Variants in RNF212 observed in about 807,000 individuals in gnomAD.
RNF212 encodes probable E3 SUMO-protein ligase RNF212.
A neutral mutation model predicts 34.7 loss-of-function variants in RNF212; 33 were observed. The ratio of observed to expected loss-of-function variants is 0.95; its 90% CI spans 0.72 to 1.27. RNF212 has a LOEUF of 1.27. RNF212 is among the 50% of genes most tolerant of loss of function. The pLI is 0.00. For synonymous variants in RNF212, 140 were observed against 136.1 expected, an observed-to-expected ratio of 1.03 and a Z score of -0.20; for missense variants, 377 against 362.2, an observed-to-expected ratio of 1.04 and a Z score of -0.33.
intron 1 of RNF212, among the ~76,000 whole-genome samples, chr4:1,112,274 T>C (rs1363524586): frequency 2.6e-5 from 4 of 152,100 alleles, no homozygotes; most frequent in Non-Finnish European, 2.9e-5. Context: ...GCGGCTTTGC[T>C]GTAGGGCTGG....
intron 3 of RNF212, chr4:1,093,605 G>T (rs616196): frequency 0.11 from 165,328 of 1,535,188 alleles, 13,234 homozygotes; most frequent in African/African-American, 0.43. Flanking sequence ...GGCTGGAGGG[G>T]CTGGCCGGGT....
At chr4:1,076,010 T>G (rs1719235768) in intron 8 of RNF212, among the ~76,000 whole-genome samples, 1 of 152,232 alleles carries the variant, frequency 6.6e-6, no homozygotes, top group Admixed American at 6.5e-5. Context: ...TTTGTATTTG[T>G]GAGTCATGAT....
At chr4:1,080,673 G>A (rs2153042697) in intron 7 of RNF212, among the ~76,000 whole-genome samples, 1 of 150,792 alleles carries the variant, frequency 6.6e-6, no homozygotes, top group African/African-American at 2.5e-5. Flanking sequence ...AAAGGTGCTG[G>A]CCCACGAGAC....
rs145079835 is a variant in RNF212 at position 1,085,835 on chromosome 4, G to A, written c.362+61C>T. The stretch of plus-strand genomic sequence containing the variant: ...CATTCTTGATCTTGGAGAGCCAGAC[G>A]ACCAATGCACATGGCAGTGGGTGCC... On this transcript the variant is annotated intron_variant, in intron 5 of 9. Transcript: ENST00000433731. The A allele has an allele frequency of 3.4e-5, 37 of 1,096,924 alleles. No individual in the cohort carries two copies. The East Asian group carries it at 4.7e-4, about 14-fold the overall frequency. The allele number at this position is 1,096,924 out of a possible 1,614,324, so 67.9% of individuals were successfully genotyped here.
At chr4:1,090,697 T>C in intron 4 of RNF212, 85 bp downstream of exon 4, 1 of 796,420 alleles carries the variant, frequency 1.3e-6, no homozygotes, top group African/African-American at 1.7e-5. Context: ...CCATCCCCTT[T>C]GAGAGCAAGG....
chr4:1,093,574 C>G (rs59057706), intron 3 of RNF212: 2 of 1,072,066 alleles, frequency 1.9e-6, no homozygotes, highest in Non-Finnish European at 2.6e-6. Flanking sequence ...CTGAGAGGCA[C>G]GAGAGGCAGA....
intron 2 of RNF212, among the ~76,000 whole-genome samples, chr4:1,098,268 G>GA (rs1205427960): frequency 3.3e-5 from 5 of 151,962 alleles, no homozygotes; most frequent in South Asian, 2.1e-4. Flanking sequence ...TAAAATTTAG[G>GA]AAAAAAATAC....
intron 3 of RNF212, among the ~76,000 whole-genome samples, chr4:1,091,540 G>A (rs539316620): frequency 6.6e-5 from 10 of 152,162 alleles, no homozygotes; most frequent in Non-Finnish European, 1.3e-4. Flanking sequence ...GAAAGTCGGC[G>A]TCCTCTAGCT....
rs1007981029 is a variant in RNF212, at chr4:1,113,541, G to A, written c.-77C>T. On this transcript the variant is annotated 5_prime_UTR_variant, in exon 1 of 10. Transcript: ENST00000433731. Reference sequence around the variant, plus strand: ...AGGTTGGGACCAGCCTCCCCGCGCAGGGCCCGAAGGCGGGCAGCTCTGCGC... The same window carrying A: ...AGGTTGGGACCAGCCTCCCCGCGCAAGGCCCGAAGGCGGGCAGCTCTGCGC... 1.3e-5 allele frequency: 16 copies of A among 1,236,264 alleles called. No individual in the cohort carries two copies. The highest frequency in any genetic ancestry group is 1.6e-5 in the Non-Finnish European group (14 of 879,970). The allele number at this position is 1,236,264 out of a possible 1,614,324, so 76.6% of individuals were successfully genotyped here.
intron 4 of RNF212, among the ~76,000 whole-genome samples, chr4:1,057,711 TG>T (rs1412433506): frequency 6.6e-6 from 1 of 152,214 alleles, no homozygotes; most frequent in East Asian, 1.9e-4. Context: ...AGTCACCACG[TG>T]GTACTTTTGA....
intron 2 of RNF212, chr4:1,099,817 C>T: frequency 2.2e-6 from 1 of 456,254 alleles, no homozygotes; most frequent in Non-Finnish European, 4.4e-6. Context: ...TCCACAAGGT[C>T]CGACGGCGCA....
At chr4:1,063,442 G>T (rs1245591702) in intron 3 of RNF212, among the ~76,000 whole-genome samples, 1 of 152,190 alleles carries the variant, frequency 6.6e-6, no homozygotes, top group African/African-American at 2.4e-5. Context: ...TGGGTACGGT[G>T]GCTCATGCCT....
chr4:1,086,424 C>G (rs1721170269), intron 4 of RNF212, among the ~76,000 whole-genome samples: 1 of 151,440 alleles, frequency 6.6e-6, no homozygotes, highest in Admixed American at 6.6e-5. Context: ...TTATGCCCAT[C>G]CTCCAGGTTT....
At chr4:1,096,712 G>C (rs1003431005) in intron 3 of RNF212, 53 bp downstream of exon 3, 6 of 1,189,030 alleles carry the variant, frequency 5.0e-6, no homozygotes, top group Non-Finnish European at 7.4e-6. Context: ...CCATGGTCTC[G>C]GGATAGTGCA....
At chr4:1,084,619 A>G (rs1224212295) in intron 5 of RNF212, among the ~76,000 whole-genome samples, 2 of 150,252 alleles carry the variant, frequency 1.3e-5, no homozygotes, top group Admixed American at 6.7e-5. Context: ...GGTCCCAGCT[A>G]CTTGGCAGGC....
intron 7 of RNF212, among the ~76,000 whole-genome samples, chr4:1,079,972 C>T (rs1466214): frequency 0.63 from 95,117 of 152,004 alleles, 30,217 homozygotes; most frequent in Middle Eastern, 0.7. Flanking sequence ...CACCTCTGCA[C>T]ACTCAGCTTC....
chr4:1,088,285 T>C (rs1320337442), intron 4 of RNF212, among the ~76,000 whole-genome samples: 1 of 152,218 alleles, frequency 6.6e-6, no homozygotes, highest in African/African-American at 2.4e-5. Context: ...TGCTGTGCTT[T>C]AGCAAAGAGA....
At chr4:1,093,201 G>T in intron 3 of RNF212, 2 of 276,566 alleles carry the variant, frequency 7.2e-6, no homozygotes, top group Non-Finnish European at 6.6e-6. Context: ...TCAGAGTTTT[G>T]GTCTTGGGCC....
chr4:1,064,065 G>T (rs1245946891), intron 3 of RNF212, among the ~76,000 whole-genome samples: 1 of 151,966 alleles, frequency 6.6e-6, no homozygotes, highest in Non-Finnish European at 1.5e-5. Context: ...AATCTTCCCT[G>T]CAAGAAAAAA....
Sources: allele counts gnomAD v4.1 joint callset (sites outside exome capture counted in the v4.1 genomes callset), GRCh38; gene constraint gnomAD v4.1.1; transcripts MANE v1.5; gene names NCBI Gene and HGNC (gene_info 2026-07-23, HGNC 2026-07-21).